Variants in XPNPEP1 observed in about 807,000 individuals in gnomAD.
XPNPEP1 encodes xaa-Pro aminopeptidase 1.
A neutral mutation model predicts 92.4 loss-of-function variants in XPNPEP1; 39 were observed. That is an observed-to-expected ratio of 0.42 (90% confidence interval 0.33 to 0.55). The LOEUF is 0.55. Ranked by LOEUF, XPNPEP1 falls within the 20% of genes least tolerant of loss-of-function variation. The pLI, the probability that XPNPEP1 is intolerant of heterozygous loss-of-function variation, is 0.08. For missense variants in XPNPEP1, 654 were observed against 856.1 expected, an observed-to-expected ratio of 0.76 and a Z score of 2.95; for synonymous variants, 307 against 299.4, an observed-to-expected ratio of 1.03 and a Z score of -0.26.
intron 12 of XPNPEP1, among the ~76,000 whole-genome samples, chr10:109,879,412 C>T (rs999595328): frequency 2.6e-5 from 4 of 151,546 alleles, no homozygotes; most frequent in African/African-American, 9.7e-5. Flanking sequence ...TCTACTACAA[C>T]TACGAAAATT....
intron 2 of XPNPEP1, among the ~76,000 whole-genome samples, chr10:109,909,296 C>T (rs576651139): frequency 2.0e-5 from 3 of 152,044 alleles, no homozygotes; most frequent in South Asian, 2.1e-4. Flanking sequence ...TAAAGTATGG[C>T]GGGAGTGGAT....
intron 1 of XPNPEP1, among the ~76,000 whole-genome samples, chr10:109,917,136 G>A (rs1850237879): frequency 6.6e-6 from 1 of 150,864 alleles, no homozygotes. Flanking sequence ...TCTATCTAGG[G>A]TAAGTAGGCA....
At chr10:109,900,671 A>G (rs1330489461) in intron 3 of XPNPEP1, among the ~76,000 whole-genome samples, 3 of 152,064 alleles carry the variant, frequency 2.0e-5, no homozygotes, top group Admixed American at 6.6e-5. Flanking sequence ...CAACTCTGAG[A>G]TCCTGCAAGG....
Position 109,875,510 on chromosome 10 carries a change from CAGTCCT to C in XPNPEP1, c.1391+12_1391+17del. Reference sequence around the variant, plus strand: ...TCGAATCCATAGTCAAGTTCCACAGCAGTCCTGGTTTACTTACTTGTATTGAGCACC... The same window carrying C: ...TCGAATCCATAGTCAAGTTCCACAGCGGTTTACTTACTTGTATTGAGCACC... On this transcript the variant is annotated intron_variant, in intron 15 of 20. Transcript: ENST00000502935. The C allele has an allele frequency of 3.1e-6, 5 of 1,613,060 alleles. No individual in the cohort carries two copies. The highest frequency in any genetic ancestry group is 3.4e-6 in the Non-Finnish European group (4 of 1,179,112).
chr10:109,882,304 G>A (rs1848143810), intron 10 of XPNPEP1, 128 bp downstream of exon 10: 1 of 1,052,134 alleles, frequency 9.5e-7, no homozygotes, highest in East Asian at 2.6e-5. Flanking sequence ...CAGCTTTAAG[G>A]CCTCATCCAT....
intron 10 of XPNPEP1, among the ~76,000 whole-genome samples, chr10:109,881,760 G>A (rs1214119927): frequency 6.6e-6 from 1 of 152,208 alleles, no homozygotes; most frequent in Non-Finnish European, 1.5e-5. Context: ...CTCTAAAGAG[G>A]CCTGGATTCC....
At chr10:109,874,979 T>G (rs767288173) in intron 15 of XPNPEP1, among the ~76,000 whole-genome samples, 2 of 152,182 alleles carry the variant, frequency 1.3e-5, no homozygotes, top group Non-Finnish European at 2.9e-5. Flanking sequence ...GCCCTCTTAA[T>G]GCAGACAGGG....
chr10:109,918,688 G>A lies in XPNPEP1; in HGVS notation c.33-3589C>T, dbSNP rs549146862. On this transcript the variant is annotated intron_variant, in intron 1 of 20. Coordinates refer to ENST00000502935, the MANE Select transcript of XPNPEP1 (RefSeq NM_020383.4). ...AGGCAGGAGAATGGTGTGAACCCAG[G>A]AGGGGGAGCTTGCAGTGAGCTGAGA... 3.8e-4 allele frequency among the ~76,000 whole-genome samples: 58 copies of A among 152,188 alleles called. 1 individual carries two copies. The highest frequency in any genetic ancestry group is 8.3e-4 in the South Asian group (4 of 4,826).
intron 2 of XPNPEP1, among the ~76,000 whole-genome samples, chr10:109,912,314 A>G (rs1344331547): frequency 1.3e-5 from 2 of 152,268 alleles, no homozygotes; most frequent in Non-Finnish European, 2.9e-5. Context: ...ATGATGAAAG[A>G]AGTCCCAATA....
chr10:109,872,827 C>T (rs565371969), intron 16 of XPNPEP1, among the ~76,000 whole-genome samples: 3 of 152,184 alleles, frequency 2.0e-5, no homozygotes, highest in Non-Finnish European at 4.4e-5. Flanking sequence ...CTTTGTTCAA[C>T]GTCACAGAGC....
At chr10:109,868,566 C>A in intron 20 of XPNPEP1, 48 bp downstream of exon 20, 2 of 1,453,282 alleles carry the variant, frequency 1.4e-6, no homozygotes, top group Non-Finnish European at 9.6e-7. Flanking sequence ...TTAAGGTAGT[C>A]TCCACCTCCC....
chr10:109,894,643 G>C (rs1008928147), intron 3 of XPNPEP1, among the ~76,000 whole-genome samples: 1 of 151,776 alleles, frequency 6.6e-6, no homozygotes, highest in Non-Finnish European at 1.5e-5. Flanking sequence ...AGAAGGGCCA[G>C]CATAGAGAAC....
At position 109,893,047 on chromosome 10, in the gene XPNPEP1, C is replaced by T. The variant is rs1257325783; in HGVS notation, c.275G>A (p.Arg92Gln). 5.6e-6 allele frequency: 9 copies of T among 1,613,656 alleles called. No individual in the cohort carries two copies. Among genetic ancestry groups the T allele is most frequent in the Non-Finnish European group, 7.6e-6 (9 of 1,179,888 alleles). ...QSEYIAPCDC[R>Q]RAFVSGFDGS... ...ATCGAATCCAGAGACAAAAGCCCGCCGACAGTCACATGGAGCAATATACTC... is the reference window on the plus strand; with the variant it reads ...ATCGAATCCAGAGACAAAAGCCCGCTGACAGTCACATGGAGCAATATACTC... Residue 92 changes from arginine (R) to glutamine (Q), a missense_variant, in exon 4 of 21, where the codon CGG becomes CAG. By Grantham distance (43) the Arg-to-Gln change is conservative (BLOSUM62 1). Coordinates refer to ENST00000502935, the MANE Select transcript of XPNPEP1 (RefSeq NM_020383.4).
At position 109,868,797 on chromosome 10, in the gene XPNPEP1, C is replaced by A; in HGVS notation, c.1774-85G>T. 2.3e-6 allele frequency: 3 copies of A among 1,299,472 alleles called. No homozygotes were observed. In the South Asian group the frequency reaches 3.7e-5, roughly 16 times the overall value. The allele number at this position is 1,299,472 out of a possible 1,614,324, so 80.5% of individuals were successfully genotyped here. ...GAGGTCATTCCACCAGCATGCCATC[C>A]CTCAGAGCCAGGGGTAACTGGGAGC... On this transcript the variant is annotated intron_variant, in intron 19 of 20. Coordinates refer to ENST00000502935, the MANE Select transcript of XPNPEP1 (RefSeq NM_020383.4).
At chr10:109,911,602 G>A (rs1470885381) in intron 2 of XPNPEP1, among the ~76,000 whole-genome samples, 1 of 152,140 alleles carries the variant, frequency 6.6e-6, no homozygotes, top group African/African-American at 2.4e-5. Context: ...CTTCAGAATA[G>A]ATTTATTGTG....
intron 19 of XPNPEP1, 66 bp downstream of exon 19, chr10:109,869,887 A>G: frequency 2.0e-6 from 3 of 1,517,510 alleles, no homozygotes; most frequent in Non-Finnish European, 2.7e-6. Context: ...ATTGTAGCCA[A>G]TGAGGTCTAT....
At chr10:109,871,634 G>A (rs1847482169) in intron 17 of XPNPEP1, among the ~76,000 whole-genome samples, 158 bp downstream of exon 17, 4 of 152,212 alleles carry the variant, frequency 2.6e-5, no homozygotes, top group Admixed American at 1.3e-4. Context: ...GGCTCAGTCA[G>A]TGGGTTATGG....
intron 3 of XPNPEP1, 126 bp downstream of exon 3, chr10:109,907,565 C>T: frequency 7.0e-7 from 1 of 1,434,886 alleles, no homozygotes; most frequent in Non-Finnish European, 9.4e-7. Context: ...CACAGATCCC[C>T]ATAGCAAGCC....
chr10:109,865,439 T>G (rs1847084675), intron 20 of XPNPEP1, 127 bp from the exon 21 acceptor site: 2 of 1,221,434 alleles, frequency 1.6e-6, no homozygotes, highest in African/African-American at 3.0e-5. Context: ...GCAACACCCT[T>G]TCTCCTTACT....
Sources: allele counts gnomAD v4.1 joint callset (sites outside exome capture counted in the v4.1 genomes callset), GRCh38; gene constraint gnomAD v4.1.1; transcripts MANE v1.5; gene names NCBI Gene and HGNC (gene_info 2026-07-23, HGNC 2026-07-21).